Variants in LRP1B observed in about 807,000 individuals in gnomAD.
LRP1B encodes the protein LDL receptor related protein 1B.
In LRP1B, 217 loss-of-function variants were observed where a neutral mutation model predicts 556.6. The ratio of observed to expected loss-of-function variants is 0.39; its 90% CI spans 0.35 to 0.44. The LOEUF is 0.44. Among genes scored for constraint, LRP1B ranks in the 20% least tolerant of loss-of-function variants. The pLI is 1.00. For missense variants in LRP1B, 5,053 were observed against 5,620.8 expected, an observed-to-expected ratio of 0.90 and a Z score of 3.23; for synonymous variants, 2,047 against 1,865.8, an observed-to-expected ratio of 1.10 and a Z score of -2.50.
At chr2:140,308,720 G>A (rs1684169644) in intron 83 of LRP1B, among the ~76,000 whole-genome samples, 1 of 151,774 alleles carries the variant, frequency 6.6e-6, no homozygotes, top group African/African-American at 2.4e-5. Context: ...TAAAAACATT[G>A]AGTGTAAGGA....
chr2:140,840,921 CT>C lies in LRP1B; in HGVS notation c.5110del (p.Arg1704GlyfsTer37). 6.3e-7 allele frequency: 1 copy of C among 1,599,388 alleles called. No homozygotes were observed. Among genetic ancestry groups the C allele is most frequent in the Non-Finnish European group, 8.5e-7 (1 of 1,173,644 alleles). ...TAAAAAAAAAATCATACTTTACCCC[CT>C]GACTGGGTGAGCTGCAAGACACTGT... ...KPQCLAAHPV[R>X]GKLYWTDGNT... On this transcript the variant is annotated frameshift_variant, in exon 30 of 91. Transcript: ENST00000389484. LOFTEE classifies it high-confidence loss of function.
At chr2:141,559,894 C>T (rs548808893) in intron 2 of LRP1B, among the ~76,000 whole-genome samples, 26 of 151,428 alleles carry the variant, frequency 1.7e-4, no homozygotes, top group Non-Finnish European at 3.7e-4. Context: ...TTGTAAAGTT[C>T]GAGGTAGAAA....
At chr2:140,530,574 TAAA>T (rs1245776062) in intron 47 of LRP1B, among the ~76,000 whole-genome samples, 4 of 152,086 alleles carry the variant, frequency 2.6e-5, no homozygotes, top group Non-Finnish European at 5.9e-5. Context: ...AAATCAAAAC[TAAA>T]AGATTCAAGT....
chr2:141,795,893 T>TATAC (rs1695794707), intron 2 of LRP1B, among the ~76,000 whole-genome samples: 1 of 78,232 alleles, frequency 1.3e-5, no homozygotes, highest in Non-Finnish European at 2.7e-5. Context: ...TATATATATA[T>TATAC]ATATATAATC....
intron 2 of LRP1B, among the ~76,000 whole-genome samples, chr2:141,718,456 G>A (rs1692698248): frequency 6.6e-6 from 1 of 152,030 alleles, no homozygotes; most frequent in Non-Finnish European, 1.5e-5. Flanking sequence ...CCTGGTCCTG[G>A]GTTTTGGAAT....
chr2:141,119,799 A>G (rs913014786), intron 7 of LRP1B, among the ~76,000 whole-genome samples: 1 of 151,738 alleles, frequency 6.6e-6, no homozygotes, highest in Admixed American at 6.6e-5. Flanking sequence ...TTATGTATAA[A>G]GAACTGTGCT....
intron 1 of LRP1B, among the ~76,000 whole-genome samples, chr2:141,980,815 G>A (rs1256044497): frequency 6.6e-6 from 1 of 152,014 alleles, no homozygotes; most frequent in Non-Finnish European, 1.5e-5. Context: ...GCCCCATATA[G>A]CTAGACACTA....
chr2:140,508,528 C>G (rs1425059425), intron 52 of LRP1B, among the ~76,000 whole-genome samples: 1 of 152,020 alleles, frequency 6.6e-6, no homozygotes, highest in East Asian at 1.9e-4. Context: ...TTACTTTTAA[C>G]AAAGATTTTT....
At chr2:142,087,963 T>A (rs1386079884) in intron 1 of LRP1B, among the ~76,000 whole-genome samples, 1 of 152,166 alleles carries the variant, frequency 6.6e-6, no homozygotes, top group Non-Finnish European at 1.5e-5. Flanking sequence ...TGTGTATAAA[T>A]ATATTTAAAT....
chr2:140,531,902 C>G (rs1030488391), intron 47 of LRP1B, among the ~76,000 whole-genome samples: 14 of 152,108 alleles, frequency 9.2e-5, no homozygotes, highest in Non-Finnish European at 1.9e-4. Context: ...AAGCATATCC[C>G]TCTATTAGTC....
intron 83 of LRP1B, among the ~76,000 whole-genome samples, chr2:140,305,838 A>G (rs1684042692): frequency 6.6e-6 from 1 of 151,778 alleles, no homozygotes. Flanking sequence ...TCAATACCTA[A>G]TTTATTGAGA....
intron 6 of LRP1B, among the ~76,000 whole-genome samples, chr2:141,217,646 A>C (rs961690742): frequency 6.6e-6 from 1 of 152,176 alleles, no homozygotes; most frequent in African/African-American, 2.4e-5. Context: ...AGAAGAAAAC[A>C]TAGGAAATAC....
chr2:140,995,913 A>G (rs766945493), intron 15 of LRP1B, among the ~76,000 whole-genome samples: 2 of 151,996 alleles, frequency 1.3e-5, no homozygotes, highest in Non-Finnish European at 2.9e-5. Flanking sequence ...AGAGAAGAGA[A>G]TATGTGGCAA....
chr2:140,376,045 AAAG>A (rs1466961221), intron 68 of LRP1B, among the ~76,000 whole-genome samples: 2 of 152,112 alleles, frequency 1.3e-5, no homozygotes, highest in African/African-American at 4.8e-5. Flanking sequence ...TGTAAAAAAA[AAAG>A]TAGAAATCAA....
At chr2:141,875,945 G>A (rs939650908) in intron 1 of LRP1B, among the ~76,000 whole-genome samples, 3 of 151,954 alleles carry the variant, frequency 2.0e-5, no homozygotes, top group Admixed American at 2.0e-4. Flanking sequence ...GCTAATTTAA[G>A]AGTTGTCTAA....
chr2:141,479,220 G>C (rs1023746675), intron 3 of LRP1B, among the ~76,000 whole-genome samples: 1 of 151,918 alleles, frequency 6.6e-6, no homozygotes, highest in Non-Finnish European at 1.5e-5. Flanking sequence ...TCCATTTATG[G>C]TCTTGAATTC....
intron 83 of LRP1B, among the ~76,000 whole-genome samples, chr2:140,301,409 T>C (rs1261906969): frequency 6.6e-6 from 1 of 151,838 alleles, no homozygotes; most frequent in African/African-American, 2.4e-5. Context: ...AGCAAACAAA[T>C]CAAAGAGAAA....
chr2:140,618,450 A>G (rs1438498824), intron 41 of LRP1B, among the ~76,000 whole-genome samples: 1 of 152,142 alleles, frequency 6.6e-6, no homozygotes, highest in Non-Finnish European at 1.5e-5. Flanking sequence ...ATTAGAAAGA[A>G]TTGTGTGATA....
At chr2:141,577,372 T>C (rs895349799) in intron 2 of LRP1B, among the ~76,000 whole-genome samples, 1 of 152,210 alleles carries the variant, frequency 6.6e-6, no homozygotes, top group Admixed American at 6.5e-5. Flanking sequence ...TCTGTATTAA[T>C]TCACTACTCT....
Sources: allele counts gnomAD v4.1 joint callset (sites outside exome capture counted in the v4.1 genomes callset), GRCh38; gene constraint gnomAD v4.1.1; transcripts MANE v1.5; gene names NCBI Gene and HGNC (gene_info 2026-07-23, HGNC 2026-07-21).